Variants in MYO3B observed in about 807,000 individuals in gnomAD.
MYO3B encodes the protein myosin IIIB.
Under a neutral mutation model 174.6 loss-of-function variants are expected in MYO3B, and 156 were observed. That is an observed-to-expected ratio of 0.89 (90% confidence interval 0.78 to 1.02). The LOEUF (loss-of-function observed/expected upper bound fraction) is 1.02. Ranked by LOEUF, MYO3B falls within the 50% of genes least tolerant of loss-of-function variation. The pLI is 0.00. For synonymous variants in MYO3B, 563 were observed against 569.1 expected, an observed-to-expected ratio of 0.99 and a Z score of 0.15; for missense variants, 1,632 against 1,639.4, an observed-to-expected ratio of 1.00 and a Z score of 0.08.
intron 22 of MYO3B, among the ~76,000 whole-genome samples, chr2:170,426,966 C>T (rs552118555): frequency 1.3e-5 from 2 of 151,694 alleles, no homozygotes; most frequent in Admixed American, 6.6e-5. Context: ...TGCAGTCAGC[C>T]GAGATTGCGC....
intron 9 of MYO3B, among the ~76,000 whole-genome samples, chr2:170,372,118 C>CAAAAAAATAAAAAAAAAAAA (rs2094251229): frequency 4.5e-5 from 1 of 22,216 alleles, no homozygotes; most frequent in African/African-American, 1.2e-4. Flanking sequence ...GACCCTGTCT[C>CAAAAAAATAAAAAAAAAAAA]AAAAAAAAAA....
intron 32 of MYO3B, among the ~76,000 whole-genome samples, chr2:170,601,269 A>G (rs1031203494): frequency 6.6e-6 from 1 of 152,240 alleles, no homozygotes; most frequent in African/African-American, 2.4e-5. Context: ...CAATTATTTC[A>G]TATAAGCTGC....
chr2:170,402,798 T>G (rs17579757), intron 18 of MYO3B, 50 bp from the exon 19 acceptor site: 227,763 of 1,530,730 alleles, frequency 0.15, 21,976 homozygotes, highest in East Asian at 0.51. Flanking sequence ...TCATCCTCTT[T>G]AGGTGGGTGT....
intron 32 of MYO3B, among the ~76,000 whole-genome samples, chr2:170,572,689 C>T (rs1006790662): frequency 6.6e-6 from 1 of 151,960 alleles, no homozygotes; most frequent in Non-Finnish European, 1.5e-5. Context: ...AAGTTAGCAC[C>T]TTTTGATGTG....
At chr2:170,465,828 T>G (rs2105966293) in intron 24 of MYO3B, among the ~76,000 whole-genome samples, 1 of 152,326 alleles carries the variant, frequency 6.6e-6, no homozygotes, top group Non-Finnish European at 1.5e-5. Flanking sequence ...TTCCTTTGGC[T>G]TATAATAGCT....
At chr2:170,642,915 A>T (rs142645758) in intron 32 of MYO3B, among the ~76,000 whole-genome samples, 1 of 152,232 alleles carries the variant, frequency 6.6e-6, no homozygotes, top group Admixed American at 6.5e-5. Context: ...TTTTAAGGTG[A>T]TGTAGATTAT....
At chr2:170,339,282 TCTAA>T (rs1418213857) in intron 8 of MYO3B, among the ~76,000 whole-genome samples, 4 of 152,160 alleles carry the variant, frequency 2.6e-5, no homozygotes, top group Admixed American at 6.6e-5. Flanking sequence ...ACATAGTAAA[TCTAA>T]CTGTTTCTCT....
At chr2:170,575,589 C>G (rs1437959345) in intron 32 of MYO3B, among the ~76,000 whole-genome samples, 3 of 152,078 alleles carry the variant, frequency 2.0e-5, no homozygotes, top group Non-Finnish European at 1.5e-5. Flanking sequence ...TAAAAATGTA[C>G]AAACCATCCT....
chr2:170,422,554 G>A (rs2094624525), intron 22 of MYO3B, among the ~76,000 whole-genome samples: 1 of 151,866 alleles, frequency 6.6e-6, no homozygotes, highest in Non-Finnish European at 1.5e-5. Context: ...TGCCTCACAG[G>A]TTCAAGCGAT....
chr2:170,525,800 G>A (rs998542784), intron 30 of MYO3B, among the ~76,000 whole-genome samples: 16 of 152,224 alleles, frequency 1.1e-4, no homozygotes, highest in Admixed American at 2.6e-4. Context: ...AGGGCCGACT[G>A]TGGGCCAGAT....
At chr2:170,570,556 C>T (rs1420545091) in intron 32 of MYO3B, among the ~76,000 whole-genome samples, 2 of 152,156 alleles carry the variant, frequency 1.3e-5, no homozygotes, top group Non-Finnish European at 2.9e-5. Context: ...TTCACTCCAG[C>T]GCCTGGGCTC....
intron 7 of MYO3B, among the ~76,000 whole-genome samples, chr2:170,256,149 A>T (rs1377995225): frequency 6.6e-6 from 1 of 152,186 alleles, no homozygotes; most frequent in African/African-American, 2.4e-5. Flanking sequence ...AAGAGACCAA[A>T]CCTATGACTC....
chr2:170,387,457 T>C lies in MYO3B; in HGVS notation c.1577+149T>C. 3.8e-6 allele frequency: 3 copies of C among 784,946 alleles called. No homozygotes were observed. The South Asian group carries it at 5.6e-5, about 15-fold the overall frequency. The allele number at this position is 784,946 out of a possible 1,614,324, so 48.6% of individuals were successfully genotyped here. ...AATTATTTAAGCAAAGGATCAGTGG[T>C]AGTTTTTGACCTAAAAGAAATTAAT... On this transcript the variant is annotated intron_variant, in intron 14 of 34. Coordinates refer to ENST00000408978, the MANE Select transcript of MYO3B (RefSeq NM_138995.5).
In MYO3B at chr2:170,200,283, AG is replaced by A. The variant is rs757996454; in HGVS notation, c.321+1del. 2 of 1,609,210 alleles carry A rather than the reference AG, an allele frequency of 1.2e-6. No individual in the cohort carries two copies. The highest frequency in any genetic ancestry group is 1.7e-6 in the Non-Finnish European group (2 of 1,178,138). On this transcript the variant is annotated frameshift_variant and splice_region_variant, in exon 3 of 35. Transcript: ENST00000408978. LOFTEE classifies it high-confidence loss of function. ...GGGGGACAGCTGTGGCTGGTCCTGGAGGTAAGAGGCTCCCATTGGGTAACCA... is the reference window on the plus strand; with the variant it reads ...GGGGGACAGCTGTGGCTGGTCCTGGAGTAAGAGGCTCCCATTGGGTAACCA... Reference protein sequence around the residue: ...CVGGQLWLVLELCNGGSVTEL... With the variant: ...CVGGQLWLVLXLCNGGSVTEL...
intron 32 of MYO3B, among the ~76,000 whole-genome samples, chr2:170,580,631 C>T (rs1337876635): frequency 4.0e-5 from 6 of 151,226 alleles, no homozygotes; most frequent in Non-Finnish European, 7.4e-5. Flanking sequence ...GAGCGAGATC[C>T]GTCTCAAAAA....
chr2:170,255,799 C>T (rs2093299813), intron 7 of MYO3B, among the ~76,000 whole-genome samples: 1 of 152,158 alleles, frequency 6.6e-6, no homozygotes, highest in Admixed American at 6.5e-5. Flanking sequence ...AGATCCTCAC[C>T]AAATTGAAAT....
chr2:170,510,729 C>G (rs183477424), intron 28 of MYO3B, among the ~76,000 whole-genome samples: 9 of 151,970 alleles, frequency 5.9e-5, no homozygotes, highest in African/African-American at 1.9e-4. Flanking sequence ...CATCCACCCC[C>G]CTCACCCTCA....
intron 11 of MYO3B, among the ~76,000 whole-genome samples, 186 bp downstream of exon 11, chr2:170,383,375 T>C (rs2094350037): frequency 1.3e-5 from 2 of 152,220 alleles, no homozygotes; most frequent in Admixed American, 1.3e-4. Flanking sequence ...AAGCAAACTA[T>C]AGCAATAATA....
intron 9 of MYO3B, among the ~76,000 whole-genome samples, chr2:170,371,907 A>G (rs1193759788): frequency 6.6e-6 from 1 of 151,436 alleles, no homozygotes; most frequent in East Asian, 1.9e-4. Context: ...GTTTGAGACC[A>G]GGCTGGTCAC....
Sources: gnomAD v4.1 joint callset for allele counts (sites outside exome capture counted in the v4.1 genomes callset) on GRCh38, gnomAD v4.1.1 for gene constraint, MANE v1.5 for transcripts, NCBI Gene and HGNC (gene_info 2026-07-23, HGNC 2026-07-21) for gene names.